The following SLC35D4 variants were observed in gnomAD, a reference collection of about 807,000 sequenced individuals.
SLC35D4 encodes the protein UDP-N-acetylglucosamine transporter SLC35D4.
chr18:23,396,672 G>A, the SLC35D4 span, among the ~76,000 whole-genome samples: 109 of 152,084 alleles, frequency 7.2e-4, no homozygotes, highest in African/African-American at 2.6e-3. Context: ...CCAGCTACTC[G>A]GGAGGCTGAG....
At chr18:23,353,325 C>T in the SLC35D4 span, among the ~76,000 whole-genome samples, 2 of 152,158 alleles carry the variant, frequency 1.3e-5, no homozygotes, top group Non-Finnish European at 2.9e-5. Flanking sequence ...TGACCTTATA[C>T]AGGCACTGGT....
chr18:23,253,107 C>G, the SLC35D4 span: 1 of 1,111,678 alleles, frequency 9.0e-7, no homozygotes, highest in Non-Finnish European at 1.4e-6. Flanking sequence ...TCCCTGCAAA[C>G]CCCTCTTTCC....
the SLC35D4 span, among the ~76,000 whole-genome samples, chr18:23,256,575 G>C: frequency 6.6e-6 from 1 of 152,062 alleles, no homozygotes; most frequent in African/African-American, 2.4e-5. Context: ...CCACCTCCCG[G>C]GTTCAAGTGA....
At chr18:23,244,114 T>C in the SLC35D4 span, among the ~76,000 whole-genome samples, 8 of 152,368 alleles carry the variant, frequency 5.3e-5, no homozygotes. Flanking sequence ...ACTGCCACTG[T>C]TTCAGCAGCT....
At chr18:23,430,572 G>C in the SLC35D4 span, 2 of 1,398,282 alleles carry the variant, frequency 1.4e-6, no homozygotes, top group African/African-American at 1.4e-5. Context: ...CTATTTCAAA[G>C]AATGATGGTG....
chr18:23,436,720 G>A, the SLC35D4 span, among the ~76,000 whole-genome samples: 2 of 152,140 alleles, frequency 1.3e-5, no homozygotes, highest in African/African-American at 4.8e-5. Context: ...TTGAACCCAG[G>A]AGGCAGAGGT....
the SLC35D4 span, among the ~76,000 whole-genome samples, chr18:23,424,841 G>C: frequency 6.6e-6 from 1 of 152,110 alleles, no homozygotes; most frequent in Non-Finnish European, 1.5e-5. Context: ...GTGACAGAGA[G>C]GGAGCCTGCC....
chr18:23,244,548 TTAGA>T, the SLC35D4 span, among the ~76,000 whole-genome samples: 1 of 152,218 alleles, frequency 6.6e-6, no homozygotes, highest in Non-Finnish European at 1.5e-5. Flanking sequence ...CTGTTGGTGG[TTAGA>T]TAGATTTAGT....
chr18:23,392,561 G>A, the SLC35D4 span, among the ~76,000 whole-genome samples: 1 of 152,126 alleles, frequency 6.6e-6, no homozygotes, highest in Non-Finnish European at 1.5e-5. Context: ...TAGCTGCCTG[G>A]TGTGTAAGGG....
the SLC35D4 span, among the ~76,000 whole-genome samples, chr18:23,351,439 C>A: frequency 0.019 from 1,969 of 104,522 alleles, 41 homozygotes; most frequent in African/African-American, 0.063. Context: ...AAAACAAAAA[C>A]AAAAAAATGC....
the SLC35D4 span, among the ~76,000 whole-genome samples, chr18:23,281,275 G>A: frequency 0.044 from 6,719 of 152,138 alleles, 345 homozygotes; most frequent in African/African-American, 0.13. Flanking sequence ...ACTTCAAATG[G>A]GTACATCTTA....
the SLC35D4 span, among the ~76,000 whole-genome samples, chr18:23,328,525 C>T: frequency 6.6e-6 from 1 of 152,188 alleles, no homozygotes; most frequent in Non-Finnish European, 1.5e-5. Context: ...TCAAGGAGAA[C>T]TACATACCAC....
the SLC35D4 span, among the ~76,000 whole-genome samples, chr18:23,281,323 T>C: frequency 6.6e-6 from 1 of 152,104 alleles, no homozygotes; most frequent in Non-Finnish European, 1.5e-5. Context: ...CTGTTATTTA[T>C]TTATTTTACT....
the SLC35D4 span, among the ~76,000 whole-genome samples, chr18:23,295,201 A>C: frequency 3.3e-5 from 5 of 149,616 alleles, no homozygotes; most frequent in Non-Finnish European, 5.9e-5. Flanking sequence ...AACAACATAC[A>C]CCGGGCCTGT....
the SLC35D4 span, among the ~76,000 whole-genome samples, chr18:23,263,964 G>GA: frequency 1.3e-5 from 2 of 152,244 alleles, no homozygotes; most frequent in African/African-American, 4.8e-5. Flanking sequence ...GGGTTCAGCA[G>GA]AGCAGGACTG....
the SLC35D4 span, among the ~76,000 whole-genome samples, chr18:23,304,744 T>C: frequency 6.6e-6 from 1 of 152,158 alleles, no homozygotes; most frequent in East Asian, 1.9e-4. Flanking sequence ...AGAGCCCCAG[T>C]TCTGGTTACA....
At chr18:23,317,172 C>G in the SLC35D4 span, among the ~76,000 whole-genome samples, 1 of 151,860 alleles carries the variant, frequency 6.6e-6, no homozygotes, top group African/African-American at 2.4e-5. Flanking sequence ...CACACACACA[C>G]ACACACACAC....
At chr18:23,370,302 G>C in the SLC35D4 span, 277 of 1,600,324 alleles carry the variant, frequency 1.7e-4, 1 homozygote, top group East Asian at 5.3e-3. Context: ...ATGGTATTCT[G>C]CTCAAGGAGC....
the SLC35D4 span, among the ~76,000 whole-genome samples, chr18:23,242,291 C>A: frequency 6.6e-6 from 1 of 152,052 alleles, no homozygotes; most frequent in Non-Finnish European, 1.5e-5. Context: ...AAAAAAAATT[C>A]CTGGGGCAGG....
Sources: gnomAD v4.1 joint callset for allele counts (sites outside exome capture counted in the v4.1 genomes callset) on GRCh38, gnomAD v4.1.1 for gene constraint, MANE v1.5 for transcripts, NCBI Gene and HGNC (gene_info 2026-07-23, HGNC 2026-07-21) for gene names.